Variants in AGBL4 observed in about 807,000 individuals in gnomAD.
The protein encoded by AGBL4 is cytosolic carboxypeptidase 6.
Under a neutral mutation model 66.4 loss-of-function variants are expected in AGBL4, and 58 were observed. That is an observed-to-expected ratio of 0.87 (90% confidence interval 0.71 to 1.09). AGBL4 has a LOEUF of 1.09. Among genes scored for constraint, AGBL4 ranks in the 50% least tolerant of loss-of-function variants. AGBL4 has a pLI of 0.00. For missense variants in AGBL4, 579 were observed against 631.0 expected (o/e 0.92, Z 0.88); for synonymous variants, 234 against 222.9 (o/e 1.05, Z -0.44).
intron 6 of AGBL4, among the ~76,000 whole-genome samples, chr1:48,860,765 A>G (rs969929883): frequency 1.3e-5 from 2 of 152,310 alleles, no homozygotes; most frequent in Non-Finnish European, 2.9e-5. Flanking sequence ...TGCAAAAACC[A>G]TCACACAGGG....
At chr1:49,855,220 AATAT>A (rs914570259) in intron 1 of AGBL4, among the ~76,000 whole-genome samples, 3 of 151,998 alleles carry the variant, frequency 2.0e-5, no homozygotes, top group African/African-American at 7.2e-5. Flanking sequence ...TGATATAACA[AATAT>A]ATATATATGC....
chr1:49,234,337 T>C (rs1019769845), intron 4 of AGBL4, among the ~76,000 whole-genome samples: 50 of 152,184 alleles, frequency 3.3e-4, no homozygotes, highest in African/African-American at 1.2e-3. Context: ...TATGGGCACC[T>C]AATCCCATCT....
At chr1:49,663,148 G>T (rs1646301771) in intron 3 of AGBL4, among the ~76,000 whole-genome samples, 1 of 152,110 alleles carries the variant, frequency 6.6e-6, no homozygotes, top group Non-Finnish European at 1.5e-5. Flanking sequence ...ACTAAAGCAT[G>T]AAGACAAATT....
At chr1:48,648,451 C>T (rs1296016922) in intron 8 of AGBL4, among the ~76,000 whole-genome samples, 1 of 152,208 alleles carries the variant, frequency 6.6e-6, no homozygotes, top group Non-Finnish European at 1.5e-5. Flanking sequence ...CATCCCACTT[C>T]CCTCTTCCAA....
chr1:49,987,281 C>A (rs1572015426), intron 1 of AGBL4, among the ~76,000 whole-genome samples: 1 of 151,978 alleles, frequency 6.6e-6, no homozygotes, highest in Admixed American at 6.6e-5. Flanking sequence ...ATTCCATTTT[C>A]TAAGAAACAA....
intron 4 of AGBL4, among the ~76,000 whole-genome samples, chr1:49,144,866 GA>G (rs1203313649): frequency 6.6e-6 from 1 of 152,120 alleles, no homozygotes; most frequent in Non-Finnish European, 1.5e-5. Context: ...ATTCTAGGCT[GA>G]GGTCACATTG....
chr1:49,599,483 A>G (rs563674025), intron 3 of AGBL4, among the ~76,000 whole-genome samples: 1 of 151,818 alleles, frequency 6.6e-6, no homozygotes, highest in African/African-American at 2.4e-5. Flanking sequence ...TTCTTCTATC[A>G]TGTTTATTGA....
rs546554718 is a variant in AGBL4 at position 49,262,313 on chromosome 1, A to G, written c.283-16449T>C. Among the ~76,000 whole-genome samples the G allele has an allele frequency of 2.5e-4, 38 of 152,344 alleles. No individual in the cohort carries two copies. In the East Asian group the frequency reaches 4.6e-3, roughly 19 times the overall value. On this transcript the variant is annotated intron_variant, in intron 3 of 13. Transcript: ENST00000371839. ...AGACAAAATTGACAAATGGGATCTA[A>G]TTAAACTAAAGAGCTTCTGCACAGC... is the stretch of plus-strand genomic sequence containing the variant.
intron 3 of AGBL4, among the ~76,000 whole-genome samples, chr1:49,315,723 G>A (rs1645028525): frequency 6.6e-6 from 1 of 151,980 alleles, no homozygotes; most frequent in Non-Finnish European, 1.5e-5. Flanking sequence ...AAAATTAAAT[G>A]TACTCCTACC....
chr1:49,983,328 G>C (rs913973345), intron 1 of AGBL4, among the ~76,000 whole-genome samples: 1 of 152,234 alleles, frequency 6.6e-6, no homozygotes, highest in Non-Finnish European at 1.5e-5. Flanking sequence ...TGCCAGACAA[G>C]GAAGCTGCTT....
intron 1 of AGBL4, among the ~76,000 whole-genome samples, chr1:49,920,075 C>A (rs1045181276): frequency 2.0e-5 from 3 of 151,842 alleles, no homozygotes; most frequent in Middle Eastern, 3.4e-3. Context: ...TTACACCTTA[C>A]ACAAAAATTA....
At chr1:49,066,641 G>C (rs1235612876) in intron 4 of AGBL4, among the ~76,000 whole-genome samples, 2 of 152,198 alleles carry the variant, frequency 1.3e-5, no homozygotes, top group Admixed American at 1.3e-4. Context: ...TTTGAGAAAG[G>C]GTGTGGAAGT....
chr1:49,073,637 G>A (rs1239435634), intron 4 of AGBL4, among the ~76,000 whole-genome samples: 4 of 152,186 alleles, frequency 2.6e-5, no homozygotes, highest in Non-Finnish European at 4.4e-5. Flanking sequence ...CGTCCCAGAA[G>A]GGCACCTGCC....
intron 4 of AGBL4, among the ~76,000 whole-genome samples, chr1:49,087,528 C>A (rs1644929764): frequency 6.6e-6 from 1 of 151,870 alleles, no homozygotes; most frequent in African/African-American, 2.4e-5. Context: ...CTCAGTCAGA[C>A]AAAATTGAGA....
chr1:49,129,840 G>T (rs1402407053), intron 4 of AGBL4, among the ~76,000 whole-genome samples: 1 of 152,086 alleles, frequency 6.6e-6, no homozygotes, highest in Non-Finnish European at 1.5e-5. Context: ...GTAATGGGAT[G>T]GCTGGGTCAA....
At chr1:49,198,227 T>G (rs1291604098) in intron 4 of AGBL4, among the ~76,000 whole-genome samples, 2 of 152,114 alleles carry the variant, frequency 1.3e-5, no homozygotes, top group Non-Finnish European at 2.9e-5. Context: ...CAATGCAGAC[T>G]ACTTTCCCAC....
intron 3 of AGBL4, among the ~76,000 whole-genome samples, chr1:49,545,183 T>C (rs184162541): frequency 6.6e-6 from 1 of 152,340 alleles, no homozygotes; most frequent in East Asian, 1.9e-4. Flanking sequence ...TTATAATTCC[T>C]ATCTTGCTAG....
chr1:48,604,217 A>G (rs1188111779), intron 9 of AGBL4, among the ~76,000 whole-genome samples: 3 of 152,176 alleles, frequency 2.0e-5, no homozygotes, highest in Non-Finnish European at 4.4e-5. Flanking sequence ...CATGAGACCC[A>G]CTACAAAGCA....
Position 48,942,312 on chromosome 1 carries a change from G to GT in AGBL4, c.595-75083_595-75082insA, listed in dbSNP as rs1491469741. ...AGCCATATGTTGAATTATTGTGGTG[G>GT]GGGGGGGGGGTTGTGGTAAAAGAAT... On this transcript the variant is annotated intron_variant, in intron 5 of 13. Coordinates refer to ENST00000371839, the MANE Select transcript of AGBL4 (RefSeq NM_032785.4). 6.3e-3 allele frequency among the ~76,000 whole-genome samples: 136 copies of GT among 21,486 alleles called. 1 individual carries two copies. The highest frequency in any genetic ancestry group is 0.011 in the African/African-American group (105 of 9,982). 14.1% of individuals were successfully genotyped at this position (21,486 alleles called of 152,430 possible).
Sources: gnomAD v4.1 joint callset for allele counts (sites outside exome capture counted in the v4.1 genomes callset) on GRCh38, gnomAD v4.1.1 for gene constraint, MANE v1.5 for transcripts, NCBI Gene and HGNC (gene_info 2026-07-23, HGNC 2026-07-21) for gene names.